Variants in GRM7 observed in about 807,000 individuals in gnomAD.
GRM7 encodes glutamate metabotropic receptor 7, also known as metabotropic glutamate receptor 7.
Under a neutral mutation model 84.5 loss-of-function variants are expected in GRM7, and 35 were observed. The ratio of observed to expected loss-of-function variants is 0.41; its 90% CI spans 0.32 to 0.55. The LOEUF is 0.55. Among genes scored for constraint, GRM7 ranks in the 20% least tolerant of loss-of-function variants. The pLI, the probability that GRM7 is intolerant of heterozygous loss-of-function variation, is 0.19. For missense variants in GRM7, 1,003 were observed against 1,194.6 expected (o/e 0.84, Z 2.36); for synonymous variants, 487 against 455.1 (o/e 1.07, Z -0.89).
chr3:7,418,161 G>T (rs560168032), intron 5 of GRM7, among the ~76,000 whole-genome samples: 32 of 152,120 alleles, frequency 2.1e-4, no homozygotes, highest in Middle Eastern at 3.4e-3. Flanking sequence ...GGATCTTACC[G>T]CATTCTTTAG....
intron 2 of GRM7, among the ~76,000 whole-genome samples, chr3:7,247,618 A>AAAAG (rs1553636903): frequency 8.7e-5 from 13 of 149,752 alleles, no homozygotes; most frequent in Non-Finnish European, 1.9e-4. Flanking sequence ...AAAAAAAAAA[A>AAAAG]AAGAAGAAGA....
intron 7 of GRM7, among the ~76,000 whole-genome samples, chr3:7,518,298 A>C (rs1237621832): frequency 6.6e-6 from 1 of 152,204 alleles, no homozygotes; most frequent in East Asian, 1.9e-4. Context: ...TGCAAAATTA[A>C]GCCCAGGGTG....
chr3:7,296,878 G>A (rs575660494), intron 2 of GRM7, among the ~76,000 whole-genome samples: 10 of 150,794 alleles, frequency 6.6e-5, no homozygotes, highest in African/African-American at 2.2e-4. Context: ...CCAACTCGTG[G>A]GCTTAAGTGA....
intron 3 of GRM7, among the ~76,000 whole-genome samples, chr3:7,304,820 C>T (rs1700132650): frequency 6.6e-6 from 1 of 150,598 alleles, no homozygotes; most frequent in African/African-American, 2.4e-5. Flanking sequence ...TGTTTTTTTT[C>T]CCATATATTA....
intron 1 of GRM7, among the ~76,000 whole-genome samples, chr3:6,864,731 G>A (rs972945525): frequency 2.6e-5 from 4 of 152,118 alleles, no homozygotes; most frequent in East Asian, 1.9e-4. Context: ...AATACTTAGC[G>A]ACTTAAATGG....
Position 7,229,749 on chromosome 3 carries a change from ATATATATATATT to A in GRM7, c.737-68933_737-68922del, listed in dbSNP as rs1559514653. Among the ~76,000 whole-genome samples the A allele has an allele frequency of 6.5e-3, 217 of 33,572 alleles. 3 individuals are homozygous for A. The highest frequency in any genetic ancestry group is 0.025 in the African/African-American group (206 of 8,300). The allele number at this position is 33,572 out of a possible 152,430, so 22.0% of individuals were successfully genotyped here. On this transcript the variant is annotated intron_variant, in intron 2 of 9. Transcript: ENST00000357716. ...CACATATATATATATATATATATAT[ATATATATATATT>A]TTTTTTTTTTTTTGGTTGACAGGTG...
intron 1 of GRM7, among the ~76,000 whole-genome samples, chr3:6,873,818 C>A (rs1695210078): frequency 6.6e-6 from 1 of 152,164 alleles, no homozygotes; most frequent in African/African-American, 2.4e-5. Context: ...CAGTTCCTGG[C>A]ATTTATTGTT....
At chr3:7,316,954 A>G (rs1258904198) in intron 4 of GRM7, among the ~76,000 whole-genome samples, 1 of 152,198 alleles carries the variant, frequency 6.6e-6, no homozygotes, top group Admixed American at 6.5e-5. Flanking sequence ...CACGAGGATA[A>G]GAAAAGAGAA....
At chr3:6,977,795 A>G (rs562781246) in intron 1 of GRM7, among the ~76,000 whole-genome samples, 1 of 152,336 alleles carries the variant, frequency 6.6e-6, no homozygotes, top group South Asian at 2.1e-4. Context: ...GAGCCATCAT[A>G]AATTCTTGGA....
intron 2 of GRM7, among the ~76,000 whole-genome samples, chr3:7,174,119 G>A (rs141292670): frequency 6.6e-6 from 1 of 152,146 alleles, no homozygotes; most frequent in Admixed American, 6.5e-5. Context: ...ATAAGACTAG[G>A]GGTGGGAGTA....
At chr3:7,601,804 C>T (rs1292188974) in intron 8 of GRM7, among the ~76,000 whole-genome samples, 1 of 152,004 alleles carries the variant, frequency 6.6e-6, no homozygotes, top group South Asian at 2.1e-4. Flanking sequence ...CCCTAACTCT[C>T]AAGCATGGGG....
At chr3:7,030,659 C>T (rs1696153593) in intron 1 of GRM7, among the ~76,000 whole-genome samples, 1 of 152,126 alleles carries the variant, frequency 6.6e-6, no homozygotes, top group African/African-American at 2.4e-5. Flanking sequence ...TCCTGGAAAT[C>T]ACCGGCTTTA....
intron 6 of GRM7, among the ~76,000 whole-genome samples, chr3:7,458,701 G>C (rs749645707): frequency 7.2e-5 from 11 of 152,198 alleles, no homozygotes; most frequent in Non-Finnish European, 1.6e-4. Flanking sequence ...TGGTGCACTT[G>C]AGTTCCTCTG....
chr3:7,368,829 T>G (rs1005914469), intron 4 of GRM7, among the ~76,000 whole-genome samples: 1 of 152,144 alleles, frequency 6.6e-6, no homozygotes. Context: ...ATCGTATCTC[T>G]AACATCAAAT....
chr3:7,051,842 G>A (rs1050808559), intron 1 of GRM7, among the ~76,000 whole-genome samples: 1 of 151,846 alleles, frequency 6.6e-6, no homozygotes, highest in Admixed American at 6.6e-5. Context: ...AAGAGAAGCT[G>A]ACCTGGTAGA....
At chr3:7,332,277 A>T (rs1701238087) in intron 4 of GRM7, among the ~76,000 whole-genome samples, 2 of 152,144 alleles carry the variant, frequency 1.3e-5, no homozygotes, top group African/African-American at 4.8e-5. Context: ...GTGTGGGGAG[A>T]GGAGGAGAAT....
chr3:7,172,165 CA>C (rs1695004734), intron 2 of GRM7, among the ~76,000 whole-genome samples: 1 of 151,968 alleles, frequency 6.6e-6, no homozygotes, highest in East Asian at 1.9e-4. Context: ...AAGGATTTGC[CA>C]AAAGACTATA....
At chr3:7,306,755 A>T in intron 4 of GRM7, 103 bp downstream of exon 4, 1 of 946,418 alleles carries the variant, frequency 1.1e-6, no homozygotes, top group Non-Finnish European at 1.6e-6. Context: ...TACCAAACTC[A>T]TGTGGGGTTG....
chr3:7,515,589 T>C (rs2124982776), intron 7 of GRM7, among the ~76,000 whole-genome samples: 1 of 152,296 alleles, frequency 6.6e-6, no homozygotes, highest in African/African-American at 2.4e-5. Flanking sequence ...CTAACCTGGC[T>C]ATGATGGTTA....
Sources: gnomAD v4.1 joint callset for allele counts (sites outside exome capture counted in the v4.1 genomes callset) on GRCh38, gnomAD v4.1.1 for gene constraint, MANE v1.5 for transcripts, NCBI Gene and HGNC (gene_info 2026-07-23, HGNC 2026-07-21) for gene names.